HS3ST4: variants seen among roughly 807,000 people sequenced by gnomAD.
HS3ST4 encodes the protein heparan sulfate-glucosamine 3-sulfotransferase 4, also known as heparan sulfate glucosamine 3-O-sulfotransferase 4.
Under a neutral mutation model 29.2 loss-of-function variants are expected in HS3ST4, and 17 were observed. The ratio of observed to expected loss-of-function variants is 0.58; its 90% CI spans 0.40 to 0.87. HS3ST4 has a LOEUF of 0.87. Ranked by LOEUF, HS3ST4 falls within the 40% of genes least tolerant of loss-of-function variation. The pLI is 0.00. For synonymous variants in HS3ST4, 314 were observed against 285.7 expected (o/e 1.10, Z -1.00); for missense variants, 627 against 634.5 (o/e 0.99, Z 0.13).
chr16:25,894,746 T>A (rs1239244277), intron 1 of HS3ST4, among the ~76,000 whole-genome samples: 1 of 152,060 alleles, frequency 6.6e-6, no homozygotes, highest in African/African-American at 2.4e-5. Flanking sequence ...CCTCAGGTGA[T>A]CCACCTGCCT....
chr16:25,974,929 T>C (rs1235231214), intron 1 of HS3ST4, among the ~76,000 whole-genome samples: 1 of 152,148 alleles, frequency 6.6e-6, no homozygotes, highest in Non-Finnish European at 1.5e-5. Context: ...TTTCTTTTGC[T>C]CTTCCAAAAC....
chr16:25,894,329 T>C (rs2141670251), intron 1 of HS3ST4, among the ~76,000 whole-genome samples: 1 of 152,146 alleles, frequency 6.6e-6, no homozygotes, highest in African/African-American at 2.4e-5. Flanking sequence ...CTCCCAGATA[T>C]AGGCAAAGAA....
chr16:25,742,487 G>A (rs1247482606), intron 1 of HS3ST4, among the ~76,000 whole-genome samples: 1 of 152,202 alleles, frequency 6.6e-6, no homozygotes, highest in Admixed American at 6.5e-5. Context: ...GGATTCAGGG[G>A]AGTAATGCCA....
intron 1 of HS3ST4, among the ~76,000 whole-genome samples, chr16:26,044,924 A>T (rs1898247265): frequency 6.6e-6 from 1 of 152,146 alleles, no homozygotes. Context: ...AAACTGAGAC[A>T]CTTAAGACCC....
intron 1 of HS3ST4, among the ~76,000 whole-genome samples, chr16:26,135,315 C>T (rs577526336): frequency 8.6e-5 from 13 of 151,960 alleles, no homozygotes; most frequent in South Asian, 2.1e-4. Context: ...ACAACTAATA[C>T]GTAGAGAAAT....
At chr16:26,092,066 C>T (rs1468545795) in intron 1 of HS3ST4, among the ~76,000 whole-genome samples, 3 of 152,040 alleles carry the variant, frequency 2.0e-5, no homozygotes, top group Non-Finnish European at 4.4e-5. Flanking sequence ...TTTACATTCT[C>T]CTGGCCCCAC....
intron 1 of HS3ST4, among the ~76,000 whole-genome samples, chr16:25,705,763 G>C (rs1966372187): frequency 6.6e-6 from 1 of 152,150 alleles, no homozygotes. Flanking sequence ...GCACCTTGTG[G>C]GACTTGTTTT....
intron 1 of HS3ST4, among the ~76,000 whole-genome samples, chr16:25,868,349 T>C (rs1967716631): frequency 6.6e-6 from 1 of 152,078 alleles, no homozygotes; most frequent in African/African-American, 2.4e-5. Flanking sequence ...TAAATCCGGA[T>C]GCAACAGCAG....
chr16:25,950,765 C>G (rs1968676031), intron 1 of HS3ST4, among the ~76,000 whole-genome samples: 1 of 152,092 alleles, frequency 6.6e-6, no homozygotes, highest in Non-Finnish European at 1.5e-5. Flanking sequence ...CATTGATCAG[C>G]TGAGCTTGAG....
At chr16:26,111,767 C>T (rs373216159) in intron 1 of HS3ST4, among the ~76,000 whole-genome samples, 2 of 151,882 alleles carry the variant, frequency 1.3e-5, no homozygotes, top group East Asian at 1.9e-4. Flanking sequence ...TCCTGTAAGC[C>T]CAACACTTTG....
intron 1 of HS3ST4, among the ~76,000 whole-genome samples, chr16:25,709,554 C>T (rs16975134): frequency 0.027 from 4,074 of 152,172 alleles, 176 homozygotes; most frequent in African/African-American, 0.092. Context: ...GAGGTTCCAC[C>T]GGCTTGCATG....
In HS3ST4 at chr16:25,692,941, G is replaced by C; in HGVS notation, c.524G>C (p.Arg175Thr). The C allele has an allele frequency of 6.2e-7, 1 of 1,609,004 alleles. No homozygotes were observed. Among genetic ancestry groups the C allele is most frequent in the Non-Finnish European group, 8.5e-7 (1 of 1,178,382 alleles). Residue 175 changes from arginine to threonine, a missense_variant, in exon 1 of 2, where the codon AGA becomes ACA. Physicochemically the swap from Arg to Thr is moderately conservative, Grantham distance 71. Around this residue, in one of 2 missense-constraint regions of HS3ST4, gnomAD observed 402 missense variants for 340.8 expected, o/e 1.18. Transcript: ENST00000331351. The stretch of plus-strand genomic sequence containing the variant: ...ACCGACGAGGATCTCGCAGGCCGGA[G>C]AGCGGCCAACGGGAGCAGCGAGAGG... ...STTDEDLAGR[R>T]AANGSSERGG...
intron 1 of HS3ST4, among the ~76,000 whole-genome samples, chr16:25,883,989 T>C (rs1251894006): frequency 6.6e-6 from 1 of 152,126 alleles, no homozygotes; most frequent in East Asian, 1.9e-4. Flanking sequence ...GGCAGGTGCC[T>C]ATAATCCCAG....
At chr16:25,712,415 G>T (rs1380634225) in intron 1 of HS3ST4, among the ~76,000 whole-genome samples, 1 of 152,102 alleles carries the variant, frequency 6.6e-6, no homozygotes, top group African/African-American at 2.4e-5. Flanking sequence ...CAGTTACTCG[G>T]GAGGCTGAGG....
intron 1 of HS3ST4, among the ~76,000 whole-genome samples, chr16:26,077,783 C>G (rs1567307241): frequency 6.6e-6 from 1 of 152,212 alleles, no homozygotes; most frequent in Non-Finnish European, 1.5e-5. Flanking sequence ...CAAAAATGAA[C>G]CGTGTGGTTG....
At chr16:25,792,646 C>G (rs1191393372) in intron 1 of HS3ST4, among the ~76,000 whole-genome samples, 2 of 151,816 alleles carry the variant, frequency 1.3e-5, no homozygotes, top group African/African-American at 4.8e-5. Context: ...AATGTTATCG[C>G]TCCTCTGATT....
intron 1 of HS3ST4, among the ~76,000 whole-genome samples, chr16:26,086,005 C>G (rs1156578127): frequency 6.6e-6 from 1 of 152,134 alleles, no homozygotes; most frequent in Non-Finnish European, 1.5e-5. Context: ...CAACTCATCT[C>G]TCTGACCCTC....
chr16:26,084,990 A>G (rs1039748710), intron 1 of HS3ST4, among the ~76,000 whole-genome samples: 1 of 152,154 alleles, frequency 6.6e-6, no homozygotes, highest in Non-Finnish European at 1.5e-5. Flanking sequence ...ATGCTCCCTG[A>G]AGAGACTGTG....
At chr16:25,976,645 G>C (rs758953733) in intron 1 of HS3ST4, among the ~76,000 whole-genome samples, 4 of 152,214 alleles carry the variant, frequency 2.6e-5, no homozygotes, top group Non-Finnish European at 5.9e-5. Flanking sequence ...TACCAGCTGG[G>C]TAAACTAGGC....
Sources: allele counts gnomAD v4.1 joint callset (sites outside exome capture counted in the v4.1 genomes callset), GRCh38; gene constraint gnomAD v4.1.1; regional missense constraint gnomAD v4.1.1; transcripts MANE v1.5; gene names NCBI Gene and HGNC (gene_info 2026-07-23, HGNC 2026-07-21).